The following CLN5 variants were observed in gnomAD, a reference collection of about 807,000 sequenced individuals.
The protein encoded by CLN5 is bis(monoacylglycero)phosphate synthase CLN5.
A neutral mutation model predicts 36.7 loss-of-function variants in CLN5; 34 were observed. The observed-to-expected ratio is 0.93, with a 90% CI of 0.71 to 1.23. The LOEUF is 1.23. CLN5 is among the 50% of genes most tolerant of loss of function. The pLI is 0.00. For synonymous variants in CLN5, 151 were observed against 155.1 expected, an observed-to-expected ratio of 0.97 and a Z score of 0.20; for missense variants, 427 against 439.4, an observed-to-expected ratio of 0.97 and a Z score of 0.25.
rs786205211 is a variant in CLN5 at position 76,995,076 on chromosome 13, C to T, written c.187C>T (p.Arg63Cys). 11 of 1,613,456 alleles carry T rather than the reference C, an allele frequency of 6.8e-6. No individual in the cohort carries two copies. Among genetic ancestry groups the T allele is most frequent in the Admixed American group, 1.7e-5 (1 of 59,916 alleles). ...WPVPYKRFDF[R>C]PKPDPYCQAK... ...TTTCTTTATTAGGCGCTTTGACTTC[C>T]GTCCAAAACCTGATCCTTATTGTCA... The change falls in exon 2 of 4, where the codon CGT (arginine) becomes TGT (cysteine). Residue 63 changes from arginine (R) to cysteine (C), a missense_variant. Transcript: ENST00000377453.
chr13:77,000,057 T>C (rs2034331306), intron 3 of CLN5: 1 of 151,674 alleles, frequency 6.6e-6, no homozygotes, highest in African/African-American at 2.4e-5. Context: ...TAGAACATTT[T>C]ACTTAAAATT....
At chr13:76,997,885 A>G (rs2034294748) in intron 3 of CLN5, 1 of 152,264 alleles carries the variant, frequency 6.6e-6, no homozygotes, top group Admixed American at 6.5e-5. Flanking sequence ...TATGTTAACT[A>G]TATCTGAAAA....
rs758327233 is a variant in CLN5 at position 77,002,006 on chromosome 13, C to T, written c.*1037C>T. ...TGTGCTTTAATTAGAGCCAGACAAG[C>T]TTTCAAGGTCCTTTAAGTATTTGAT... On this transcript the variant is annotated 3_prime_UTR_variant, in exon 4 of 4. Coordinates refer to ENST00000377453, the MANE Select transcript of CLN5 (RefSeq NM_006493.4). 2.0e-5 allele frequency: 3 copies of T among 152,194 alleles called. No individual in the cohort carries two copies. The highest frequency in any genetic ancestry group is 2.9e-5 in the Non-Finnish European group (2 of 68,038). 9.4% of individuals were successfully genotyped at this position (152,194 alleles called of 1,614,324 possible).
intron 1 of CLN5, chr13:76,992,951 G>A (rs2154034397): frequency 6.6e-6 from 1 of 152,380 alleles, no homozygotes; most frequent in South Asian, 2.1e-4. Flanking sequence ...GTCAGAGATA[G>A]CTAAACACAG....
At position 77,003,882 on chromosome 13, in the gene CLN5, G is replaced by C. The variant is rs145343058; in HGVS notation, c.*2913G>C. ...GAATCACTTGAATCCAGGAGGTGGAGGTTCCCACGAGCCAAGATCGCACCA... is the reference window on the plus strand; with the variant it reads ...GAATCACTTGAATCCAGGAGGTGGACGTTCCCACGAGCCAAGATCGCACCA... On this transcript the variant is annotated 3_prime_UTR_variant, in exon 4 of 4. Transcript: ENST00000377453. The C allele has an allele frequency of 8.5e-5, 13 of 152,338 alleles. No individual in the cohort carries two copies. Among genetic ancestry groups the C allele is most frequent in the African/African-American group, 3.1e-4 (13 of 41,556 alleles). The allele number at this position is 152,338 out of a possible 1,614,324, so 9.4% of individuals were successfully genotyped here. A position where few individuals can be genotyped will look rare whatever the true frequency, so the allele number is the denominator to read the frequency against.
rs764911672 is a variant in CLN5, at chr13:77,004,150, T to G, written c.*3181T>G. On this transcript the variant is annotated 3_prime_UTR_variant, in exon 4 of 4. Transcript: ENST00000377453. ...TGGAACCCTCAATATTGGTGGCTCC[T>G]TAAAAATTGGAGAAAAAAATCAAGT... 1 of 152,154 alleles carries G rather than the reference T, an allele frequency of 6.6e-6. No individual in the cohort carries two copies. The highest frequency in any genetic ancestry group is 1.5e-5 in the Non-Finnish European group (1 of 68,026). 9.4% of individuals were successfully genotyped at this position (152,154 alleles called of 1,614,324 possible). A position where few individuals can be genotyped will look rare whatever the true frequency, so the allele number is the denominator to read the frequency against.
intron 3 of CLN5, chr13:76,998,756 G>T (rs1406521273): frequency 6.6e-6 from 1 of 152,182 alleles, no homozygotes; most frequent in African/African-American, 2.4e-5. Flanking sequence ...AATGTAACAA[G>T]GATCTGTTAG....
intron 2 of CLN5, chr13:76,995,550 CT>C: frequency 2.1e-6 from 1 of 486,832 alleles, no homozygotes; most frequent in South Asian, 2.1e-5. Flanking sequence ...GTTGTAGTCA[CT>C]TTTCCAGGTT....
intron 1 of CLN5, chr13:76,992,506 A>G: frequency 1.7e-6 from 1 of 584,488 alleles, no homozygotes; most frequent in East Asian, 3.0e-5. Context: ...CACTTGCGGC[A>G]GACTCAGGAC....
chr13:76,999,690 T>C (rs2034326218), intron 3 of CLN5: 1 of 152,216 alleles, frequency 6.6e-6, no homozygotes, highest in Non-Finnish European at 1.5e-5. Context: ...AGCTCCACAT[T>C]TCCCACACCT....
At chr13:76,997,144 TTG>T (rs1431176567) in intron 3 of CLN5, 1 of 148,058 alleles carries the variant, frequency 6.8e-6, no homozygotes, top group Non-Finnish European at 1.5e-5. Context: ...CGCCTTTTTG[TTG>T]TTGTTGTTTG....
intron 3 of CLN5, chr13:76,999,483 G>A (rs911667379): frequency 2.0e-5 from 3 of 152,266 alleles, no homozygotes; most frequent in Non-Finnish European, 4.4e-5. Flanking sequence ...TTTGTTGGAA[G>A]GACTTAACGT....
intron 3 of CLN5, chr13:76,998,752 A>G (rs566078434): frequency 9.8e-5 from 15 of 152,326 alleles, no homozygotes; most frequent in African/African-American, 3.4e-4. Flanking sequence ...TTTAAATGTA[A>G]CAAGGATCTG....
chr13:77,000,489 G>A lies in CLN5; in HGVS notation c.597G>A (p.Val199=), dbSNP rs2154035110. ...TGTTCAACCAAATGGCAAAGTGGGT[G>A]AAACAGGACAATGAAACAGGAATTT... The part of the protein sequence containing the change: ...GNMFNQMAKW[V]KQDNETGIYY... The change falls in exon 4 of 4, where the codon GTG becomes GTA. Residue 199 remains valine, a synonymous_variant. Coordinates refer to ENST00000377453, the MANE Select transcript of CLN5 (RefSeq NM_006493.4). The A allele has an allele frequency of 1.9e-6, 3 of 1,613,486 alleles. No individual in the cohort carries two copies. The highest frequency in any genetic ancestry group is 2.5e-6 in the Non-Finnish European group (3 of 1,179,842).
rs970434902 is a variant in CLN5, at chr13:77,004,879, A to G, written c.*3910A>G. On this transcript the variant is annotated 3_prime_UTR_variant, in exon 4 of 4. Coordinates refer to ENST00000377453, the MANE Select transcript of CLN5 (RefSeq NM_006493.4). ...CAGTAAAACAATGAAAATAATTTCA[A>G]TAGTTGAAAAACTATTCTAATTTAT... 2 of 152,230 alleles carry G rather than the reference A, an allele frequency of 1.3e-5. No individual in the cohort carries two copies. Among genetic ancestry groups the G allele is most frequent in the East Asian group, 1.9e-4 (1 of 5,206 alleles). The allele number at this position is 152,230 out of a possible 1,614,324, so 9.4% of individuals were successfully genotyped here.
In CLN5 at chr13:76,992,278, G is replaced by T. The variant is rs1485751107; in HGVS notation, c.173+7G>T. The T allele has an allele frequency of 6.4e-7, 1 of 1,553,724 alleles. No homozygotes were observed. Among genetic ancestry groups the T allele is most frequent in the Admixed American group, 1.9e-5 (1 of 52,540 alleles). On this transcript the variant is annotated splice_region_variant and intron_variant, in intron 1 of 3. Coordinates refer to ENST00000377453, the MANE Select transcript of CLN5 (RefSeq NM_006493.4). The stretch of plus-strand genomic sequence containing the variant: ...ACTGGCCGGTGCCCTACAAGTGAGT[G>T]CGGCGGCGCGCGCACTGTCGGGGTT...
chr13:76,994,498 C>T (rs11839816), intron 1 of CLN5: 29 of 156,680 alleles, frequency 1.9e-4, no homozygotes, highest in African/African-American at 6.0e-4. Context: ...ATACCACACT[C>T]ATTACTTGTT....
At chr13:76,992,492 T>C (rs1016110351) in intron 1 of CLN5, 5 of 590,822 alleles carry the variant, frequency 8.5e-6, no homozygotes, top group Non-Finnish European at 1.2e-5. Flanking sequence ...TCGTCCCCTC[T>C]GGTCACTTGC....
chr13:76,992,957 C>G (rs530200506), intron 1 of CLN5: 1 of 152,398 alleles, frequency 6.6e-6, no homozygotes, highest in South Asian at 2.1e-4. Flanking sequence ...GATAGCTAAA[C>G]ACAGAGAAAG....
Sources: gnomAD v4.1 joint callset for allele counts on GRCh38, gnomAD v4.1.1 for gene constraint, MANE v1.5 for transcripts, NCBI Gene and HGNC (gene_info 2026-07-23, HGNC 2026-07-21) for gene names.